Variants in PTK2 observed in about 807,000 individuals in gnomAD.
PTK2 encodes focal adhesion kinase 1.
PTK2 carries 45 observed loss-of-function variants against 150.1 expected under a neutral mutation model. That is an observed-to-expected ratio of 0.30 (90% CI 0.24 to 0.38). The LOEUF is 0.38. PTK2 is among the 10% of genes least tolerant of loss of function. PTK2 has a pLI of 1.00. For missense variants in PTK2, 919 were observed against 1,307.3 expected (o/e 0.70, Z 4.58); for synonymous variants, 432 against 449.2 (o/e 0.96, Z 0.48).
chr8:140,907,774 C>G (rs2100161567), intron 2 of PTK2, among the ~76,000 whole-genome samples: 1 of 152,112 alleles, frequency 6.6e-6, no homozygotes, highest in Non-Finnish European at 1.5e-5. Flanking sequence ...TGGGGTGCCA[C>G]AAATGGCACC....
intron 2 of PTK2, among the ~76,000 whole-genome samples, chr8:140,897,525 TCC>T (rs1336746102): frequency 6.6e-6 from 1 of 152,210 alleles, no homozygotes; most frequent in Non-Finnish European, 1.5e-5. Flanking sequence ...GCTGTTAACC[TCC>T]CAAGTACCCT....
chr8:140,870,338 T>A (rs2100141780), intron 4 of PTK2, among the ~76,000 whole-genome samples: 1 of 152,082 alleles, frequency 6.6e-6, no homozygotes, highest in Non-Finnish European at 1.5e-5. Flanking sequence ...TAAAACACTA[T>A]CTAACAAAGT....
intron 14 of PTK2, among the ~76,000 whole-genome samples, chr8:140,786,202 C>T (rs2100084856): frequency 6.6e-6 from 1 of 152,142 alleles, no homozygotes; most frequent in Non-Finnish European, 1.5e-5. Flanking sequence ...AATGAAGTAT[C>T]GTATGACAGA....
chr8:140,666,781 A>T (rs1263160466), intron 30 of PTK2, among the ~76,000 whole-genome samples: 1 of 152,198 alleles, frequency 6.6e-6, no homozygotes, highest in Non-Finnish European at 1.5e-5. Context: ...CACTCAAAAG[A>T]AGTGAAAGCA....
At position 140,890,758 on chromosome 8, in the gene PTK2, ATC is replaced by A. The variant is rs774645575; in HGVS notation, c.-23_-22del. Reference sequence around the variant, plus strand: ...GCCATTATTTTGCTAGATGCTAGGTATCTGTCATATTCTGTTAAAAGAACAAA... The same window carrying A: ...GCCATTATTTTGCTAGATGCTAGGTATGTCATATTCTGTTAAAAGAACAAA... On this transcript the variant is annotated 5_prime_UTR_variant, in exon 3 of 32. An upstream open reading frame in the 5' UTR loses its in-frame stop. Coordinates refer to ENST00000522684, the Ensembl canonical transcript of PTK2. 6.2e-7 allele frequency: 1 copy of A among 1,613,938 alleles called. No individual in the cohort carries two copies. Among genetic ancestry groups the A allele is most frequent in the Non-Finnish European group, 8.5e-7 (1 of 1,179,802 alleles).
intron 1 of PTK2, among the ~76,000 whole-genome samples, chr8:140,982,721 T>C (rs2100191905): frequency 6.6e-6 from 1 of 152,230 alleles, no homozygotes; most frequent in East Asian, 1.9e-4. Context: ...AAATGCATCA[T>C]GAATTATGTC....
rs570072363 is a variant in PTK2, at chr8:140,684,408, C to T, written c.2562+2224G>A. Among the ~76,000 whole-genome samples, 5 of 152,360 alleles carry T rather than the reference C, an allele frequency of 3.3e-5. No individual in the cohort carries two copies. In the South Asian group the frequency reaches 8.3e-4, roughly 25 times the overall value. ...GCTCAGGCATTAATGCGGGCTAGCC[C>T]GCCATTCACCTCCTGCTGTGTGGCC... On this transcript the variant is annotated intron_variant, in intron 27 of 31. Coordinates refer to ENST00000522684, the Ensembl canonical transcript of PTK2.
chr8:140,904,212 G>A (rs1305995452), intron 2 of PTK2, among the ~76,000 whole-genome samples: 1 of 152,118 alleles, frequency 6.6e-6, no homozygotes, highest in Non-Finnish European at 1.5e-5. Flanking sequence ...TAACATGAAG[G>A]GGTGTTGAAT....
At chr8:140,741,584 C>T (rs1447431926) in intron 20 of PTK2, among the ~76,000 whole-genome samples, 1 of 151,976 alleles carries the variant, frequency 6.6e-6, no homozygotes, top group East Asian at 1.9e-4. Context: ...ACTAGCTTTG[C>T]TTGTAAAAAT....
chr8:140,742,069 G>A (rs915426539), intron 20 of PTK2, among the ~76,000 whole-genome samples: 3 of 152,180 alleles, frequency 2.0e-5, no homozygotes, highest in Admixed American at 6.5e-5. Context: ...TCAGGAGGTC[G>A]AGACTGTAAT....
intron 3 of PTK2, among the ~76,000 whole-genome samples, chr8:140,886,106 T>C (rs1243220431): frequency 6.6e-6 from 1 of 152,094 alleles, no homozygotes; most frequent in Non-Finnish European, 1.5e-5. Context: ...TTTTTGAAGA[T>C]AATGTGGACA....
intron 27 of PTK2, among the ~76,000 whole-genome samples, chr8:140,686,079 T>C (rs1234004110): frequency 6.6e-6 from 1 of 152,230 alleles, no homozygotes; most frequent in African/African-American, 2.4e-5. Context: ...TCATTTCCTC[T>C]GCAGCAACAT....
chr8:140,776,273 C>T (rs1039332222), intron 14 of PTK2, among the ~76,000 whole-genome samples: 3 of 152,076 alleles, frequency 2.0e-5, no homozygotes, highest in Admixed American at 2.0e-4. Flanking sequence ...AAAGAGCTGG[C>T]ATTAAAGGTG....
chr8:140,992,813 A>AACAGCAGC (rs1417226608), intron 1 of PTK2, among the ~76,000 whole-genome samples: 2 of 152,224 alleles, frequency 1.3e-5, no homozygotes, highest in African/African-American at 4.8e-5. Flanking sequence ...GTTTTATCTG[A>AACAGCAGC]ACAGCAGCAC....
At position 140,674,396 on chromosome 8, in the gene PTK2, C is replaced by T. The variant is rs780152984; in HGVS notation, c.2611G>A (p.Ala871Thr). The T allele has an allele frequency of 3.0e-5, 48 of 1,592,554 alleles. No homozygotes were observed. Among genetic ancestry groups the T allele is most frequent in the Non-Finnish European group, 4.0e-5 (47 of 1,169,896 alleles). The change falls in exon 29 of 32, where the codon GCT becomes ACT. Residue 871 changes from alanine to threonine, a missense_variant. Coordinates refer to ENST00000522684, the Ensembl canonical transcript of PTK2. ...GGGCGAGGCGGTTTCTTTGGTGGAG[C>T]TGCAGGATCTGGTGAGAGAGAATGA...
chr8:140,856,988 T>C (rs575087876), intron 5 of PTK2, among the ~76,000 whole-genome samples: 1 of 152,300 alleles, frequency 6.6e-6, no homozygotes, highest in East Asian at 1.9e-4. Flanking sequence ...TGGTGTTCAT[T>C]ATAAAATTCT....
intron 3 of PTK2, among the ~76,000 whole-genome samples, chr8:140,887,604 T>C (rs2100152770): frequency 6.6e-6 from 1 of 152,236 alleles, no homozygotes; most frequent in Non-Finnish European, 1.5e-5. Context: ...CCAAGCAGTC[T>C]TTCTGAGAAT....
At chr8:140,989,970 G>C (rs1007464409) in intron 1 of PTK2, among the ~76,000 whole-genome samples, 5 of 151,426 alleles carry the variant, frequency 3.3e-5, no homozygotes, top group African/African-American at 1.2e-4. Flanking sequence ...AAAACCACAA[G>C]GCGGTACACT....
chr8:140,803,361 C>G (rs1241079541), intron 11 of PTK2, among the ~76,000 whole-genome samples, 182 bp downstream of exon 11: 2 of 152,062 alleles, frequency 1.3e-5, no homozygotes, highest in East Asian at 3.9e-4. Flanking sequence ...TTAAATCTGT[C>G]TCCTGTCCTA....
Sources: allele counts gnomAD v4.1 joint callset (sites outside exome capture counted in the v4.1 genomes callset), GRCh38; gene constraint gnomAD v4.1.1; transcripts MANE v1.5; gene names NCBI Gene and HGNC (gene_info 2026-07-23, HGNC 2026-07-21).